Variants in MTMR14 observed in about 807,000 individuals in gnomAD.
MTMR14 encodes the protein phosphatidylinositol-3,5-bisphosphate 3-phosphatase MTMR14.
Under a neutral mutation model 86.3 loss-of-function variants are expected in MTMR14, and 48 were observed. The ratio of observed to expected loss-of-function variants is 0.56; its 90% CI spans 0.44 to 0.71. The LOEUF is 0.71. Among genes scored for constraint, MTMR14 ranks in the 30% least tolerant of loss-of-function variants. The pLI is 0.00. For missense variants in MTMR14, 780 were observed against 834.6 expected, an observed-to-expected ratio of 0.93 and a Z score of 0.81; for synonymous variants, 366 against 326.1, an observed-to-expected ratio of 1.12 and a Z score of -1.32.
intron 2 of MTMR14, 191 bp downstream of exon 2, chr3:9,653,960 G>T: frequency 1.4e-6 from 1 of 696,906 alleles, no homozygotes; most frequent in South Asian, 1.6e-5. Flanking sequence ...GAGGGGTTGG[G>T]AGTAACAGCC....
At chr3:9,654,009 C>G (rs1372247469) in intron 2 of MTMR14, 2 of 544,856 alleles carry the variant, frequency 3.7e-6, no homozygotes, top group Non-Finnish European at 6.6e-6. Flanking sequence ...AGCTCATTGT[C>G]CTAAGATAGC....
chr3:9,697,781 T>TG lies in MTMR14; in HGVS notation c.1685dup (p.Cys562TrpfsTer23). The TG allele has an allele frequency of 6.2e-7, 1 of 1,614,210 alleles. No homozygotes were observed. The highest frequency in any genetic ancestry group is 8.5e-7 in the Non-Finnish European group (1 of 1,180,038). On this transcript the variant is annotated frameshift_variant, in exon 18 of 19. Transcript: ENST00000296003. LOFTEE classifies it high-confidence loss of function. ...TGGCAGCTGGCAGATGGTAACGGGC[T>TG]GTGGCAGTATTCAGGAGCGGGCTGT...
At position 9,655,096 on chromosome 3, in the gene MTMR14, G is replaced by A. The variant is rs974338241; in HGVS notation, c.308+1327G>A. Among the ~76,000 whole-genome samples, 13 of 152,050 alleles carry A rather than the reference G, an allele frequency of 8.5e-5. 1 individual carries two copies. The highest frequency in any genetic ancestry group is 2.7e-4 in the African/African-American group (11 of 41,394). On this transcript the variant is annotated intron_variant, in intron 2 of 18. Transcript: ENST00000296003. ...GCACTTACTAAGATTATGGATTCTC[G>A]GCCTGGCCTAGTGGCTCATGCCTGT...
intron 12 of MTMR14, 104 bp downstream of exon 12, chr3:9,685,068 C>T (rs879923181): frequency 5.4e-6 from 8 of 1,481,062 alleles, no homozygotes; most frequent in African/African-American, 2.8e-5. Flanking sequence ...GATAATTCCA[C>T]CCCTCGAGAA....
intron 17 of MTMR14, among the ~76,000 whole-genome samples, chr3:9,694,819 A>C (rs1027787449): frequency 1.3e-5 from 2 of 152,206 alleles, no homozygotes; most frequent in African/African-American, 4.8e-5. Flanking sequence ...GGCCATCAGC[A>C]GGGCATCGGG....
chr3:9,668,622 AT>A (rs1438330896), intron 3 of MTMR14, 96 bp from the exon 4 acceptor site: 1 of 1,318,004 alleles, frequency 7.6e-7, no homozygotes, highest in Non-Finnish European at 1.1e-6. Context: ...TGGGCCCGTT[AT>A]GCTGGCCTGG....
intron 7 of MTMR14, among the ~76,000 whole-genome samples, chr3:9,673,528 C>G (rs373664420): frequency 1.3e-5 from 2 of 152,348 alleles, no homozygotes; most frequent in South Asian, 2.1e-4. Flanking sequence ...GGAGTAAATA[C>G]TCTTTCTCCT....
At chr3:9,686,164 C>T (rs2075945301) in intron 13 of MTMR14, among the ~76,000 whole-genome samples, 1 of 152,242 alleles carries the variant, frequency 6.6e-6, no homozygotes, top group Admixed American at 6.5e-5. Flanking sequence ...ATCTCTTCTT[C>T]TGAACACTTA....
At chr3:9,681,606 G>A (rs1390644149) in intron 9 of MTMR14, among the ~76,000 whole-genome samples, 1 of 152,210 alleles carries the variant, frequency 6.6e-6, no homozygotes, top group Non-Finnish European at 1.5e-5. Context: ...GCAGAGGCAT[G>A]GCATTTAGCT....
chr3:9,652,511 G>A (rs1345100913), intron 1 of MTMR14, among the ~76,000 whole-genome samples: 1 of 152,098 alleles, frequency 6.6e-6, no homozygotes, highest in African/African-American at 2.4e-5. Context: ...CTAGCACTTT[G>A]GGAGGCCAAG....
At chr3:9,685,880 T>A (rs2075929709) in intron 13 of MTMR14, among the ~76,000 whole-genome samples, 1 of 152,154 alleles carries the variant, frequency 6.6e-6, no homozygotes, top group Non-Finnish European at 1.5e-5. Flanking sequence ...GCCCTGAGTG[T>A]GTTCCCTAGT....
intron 1 of MTMR14, among the ~76,000 whole-genome samples, chr3:9,652,102 T>C (rs959959564): frequency 6.6e-6 from 1 of 152,144 alleles, no homozygotes; most frequent in Non-Finnish European, 1.5e-5. Context: ...ACTGCTGGGA[T>C]TACAGGCATG....
intron 5 of MTMR14, among the ~76,000 whole-genome samples, chr3:9,670,060 T>C (rs1295633741): frequency 1.3e-5 from 2 of 152,254 alleles, no homozygotes; most frequent in African/African-American, 4.8e-5. Flanking sequence ...ACTCTTGCTA[T>C]CCGCTTTCCA....
At chr3:9,668,541 G>A (rs935538751) in intron 3 of MTMR14, among the ~76,000 whole-genome samples, 178 bp from the exon 4 acceptor site, 2 of 152,170 alleles carry the variant, frequency 1.3e-5, no homozygotes, top group Non-Finnish European at 2.9e-5. Flanking sequence ...TAGAGGTTGT[G>A]GATTAAGTAC....
chr3:9,701,200 C>CT lies in MTMR14; in HGVS notation c.1770-589dup, dbSNP rs1200471717. 1.2e-5 allele frequency: 2 copies of CT among 162,568 alleles called. No homozygotes were observed. The highest frequency in any genetic ancestry group is 2.4e-5 in the African/African-American group (1 of 41,530). The allele number at this position is 162,568 out of a possible 1,614,324, so 10.1% of individuals were successfully genotyped here. ...CTTCCTGAGGAGTGGAAGCAGAGAG[C>CT]TGCTGGGGCAAATTCCCTCCTGCTT... On this transcript the variant is annotated intron_variant, in intron 18 of 18. Transcript: ENST00000296003. The surrounding 1 kb of genome is among the most constrained non-coding windows in gnomAD (Gnocchi z 4.2).
chr3:9,665,420 C>T lies in MTMR14; in HGVS notation c.417+3045C>T, dbSNP rs139254292. 2.1e-3 allele frequency among the ~76,000 whole-genome samples: 315 copies of T among 152,008 alleles called. 1 individual carries two copies. The highest frequency in any genetic ancestry group is 7.1e-3 in the African/African-American group (293 of 41,398). On this transcript the variant is annotated intron_variant, in intron 3 of 18. Coordinates refer to ENST00000296003, the MANE Select transcript of MTMR14 (RefSeq NM_001077525.3). ...TCATTCATAAGTGGGAGCTAAATAGCGGGTACGCATGGTCATAAAGGTGGA... is the reference window on the plus strand; with the variant it reads ...TCATTCATAAGTGGGAGCTAAATAGTGGGTACGCATGGTCATAAAGGTGGA...
chr3:9,659,747 C>G, intron 2 of MTMR14: 1 of 456,460 alleles, frequency 2.2e-6, no homozygotes, highest in Non-Finnish European at 4.4e-6. Flanking sequence ...TGGCCAGAAA[C>G]TGAATTGGAG....
chr3:9,671,236 A>C, intron 6 of MTMR14, 66 bp downstream of exon 6: 1 of 1,610,192 alleles, frequency 6.2e-7, no homozygotes. Flanking sequence ...GGCTGGCGTT[A>C]GTATGTAGCT....
At chr3:9,663,386 A>G (rs564285267) in intron 3 of MTMR14, among the ~76,000 whole-genome samples, 1 of 149,022 alleles carries the variant, frequency 6.7e-6, no homozygotes, top group Non-Finnish European at 1.5e-5. Flanking sequence ...AGGGAAAAGT[A>G]TGTATGGAAG....
Sources: gnomAD v4.1 joint callset for allele counts (sites outside exome capture counted in the v4.1 genomes callset) on GRCh38, gnomAD v4.1.1 for gene constraint, Gnocchi (gnomAD v3.1) non-coding constraint, MANE v1.5 for transcripts, NCBI Gene and HGNC (gene_info 2026-07-23, HGNC 2026-07-21) for gene names.